Variants in DMD observed in about 807,000 individuals in gnomAD.
The protein encoded by DMD is mutant dystrophin.
A neutral mutation model predicts 330.1 loss-of-function variants in DMD; 63 were observed. The ratio of observed to expected loss-of-function variants is 0.19; its 90% CI spans 0.16 to 0.24. DMD has a LOEUF of 0.24. Among genes scored for constraint, DMD ranks in the 10% least tolerant of loss-of-function variants. The pLI is 1.00. For missense variants in DMD, 3,344 were observed against 2,684.1 expected (o/e 1.25, Z -5.43); for synonymous variants, 1,223 against 959.8 (o/e 1.27, Z -5.07).
intron 63 of DMD, among the ~76,000 whole-genome samples, chrX:31,247,710 G>A (rs890252210): frequency 5.4e-5 from 6 of 111,276 alleles, no homozygotes; most frequent in Non-Finnish European, 7.5e-5. Context: ...TTTGGAAGAC[G>A]TTGATTCCAA....
Position 32,644,235 on chromosome X carries a change from C to T in DMD, c.1228G>A (p.Gly410Arg). ...GTTTCTTCATCTTCTGATAATTTTCCTGTTCCAATCAGCTTACTTCCCAAT... is the reference window on the plus strand; with the variant it reads ...GTTTCTTCATCTTCTGATAATTTTCTTGTTCCAATCAGCTTACTTCCCAAT... ...LQLGSKLIGTGKLSEDEETEV... is the reference protein window; with the variant it reads ...LQLGSKLIGTRKLSEDEETEV... The change falls in exon 11 of 79, where the codon GGA becomes AGA. Residue 410 changes from glycine to arginine, a missense_variant. By Grantham distance (125) the Gly-to-Arg change is moderately radical. Transcript: ENST00000357033. 3.3e-6 allele frequency: 4 copies of T among 1,210,824 alleles called. No homozygotes were observed. The highest frequency in any genetic ancestry group is 4.5e-6 in the Non-Finnish European group (4 of 894,943).
intron 13 of DMD, among the ~76,000 whole-genome samples, chrX:32,576,332 T>G (rs2053046532): frequency 9.0e-6 from 1 of 111,507 alleles, no homozygotes; most frequent in African/African-American, 3.3e-5. Flanking sequence ...CCTTATTAAG[T>G]TGGGAACCTT....
intron 61 of DMD, among the ~76,000 whole-genome samples, chrX:31,324,032 C>G (rs746382155): frequency 1.8e-5 from 2 of 111,282 alleles, no homozygotes; most frequent in African/African-American, 3.3e-5. Context: ...ATTTGACTGA[C>G]TGGATTTTAT....
At chrX:31,566,599 T>C (rs1173555143) in intron 55 of DMD, among the ~76,000 whole-genome samples, 2 of 111,920 alleles carry the variant, frequency 1.8e-5, no homozygotes, top group Non-Finnish European at 3.8e-5. Flanking sequence ...ACTTTTCTTA[T>C]AGATTTTAGA....
rs552929106 is a variant in DMD, at chrX:31,843,400, T to C, written c.7099-6581A>G. On this transcript the variant is annotated intron_variant, in intron 48 of 78. Transcript: ENST00000357033. ...CTATTGTGTTTTGAGTTTTTGATAATAGGCATTCTGACTGGTGTGAGATGG... is the reference window on the plus strand; with the variant it reads ...CTATTGTGTTTTGAGTTTTTGATAACAGGCATTCTGACTGGTGTGAGATGG... Among the ~76,000 whole-genome samples, 3 of 111,914 alleles carry C rather than the reference T, an allele frequency of 2.7e-5. 1 individual carries two copies. Among genetic ancestry groups the C allele is most frequent in the African/African-American group, 9.7e-5 (3 of 30,806 alleles).
intron 51 of DMD, among the ~76,000 whole-genome samples, chrX:31,768,168 T>TG (rs1398644727): frequency 9.0e-6 from 1 of 110,959 alleles, no homozygotes; most frequent in Non-Finnish European, 1.9e-5. Flanking sequence ...CAAACGGAAT[T>TG]GAAAAAAAAG....
intron 17 of DMD, among the ~76,000 whole-genome samples, chrX:32,544,439 C>A (rs2048774792): frequency 9.0e-6 from 1 of 111,360 alleles, no homozygotes; most frequent in Non-Finnish European, 1.9e-5. Flanking sequence ...CTTTCTTAAT[C>A]TTAGAATTAC....
intron 1 of DMD, among the ~76,000 whole-genome samples, chrX:33,206,724 G>A (rs2051594549): frequency 9.0e-6 from 1 of 111,380 alleles, no homozygotes. Context: ...TAAAGATCGA[G>A]CTCAGAGTTG....
At position 33,002,319 on chromosome X, in the gene DMD, T is replaced by C. The variant is rs776896248; in HGVS notation, c.93+17820A>G. 5.5e-4 allele frequency among the ~76,000 whole-genome samples: 61 copies of C among 111,354 alleles called. 1 individual carries two copies. Among genetic ancestry groups the C allele is most frequent in the Non-Finnish European group, 7.5e-5 (4 of 53,063 alleles). On this transcript the variant is annotated intron_variant, in intron 2 of 78. Transcript: ENST00000357033. Reference sequence around the variant, plus strand: ...AGCAAGGAAGGAATGAAGGGATTTATTTAAAATGAAAAGTACATGCCATAG... The same window carrying C: ...AGCAAGGAAGGAATGAAGGGATTTACTTAAAATGAAAAGTACATGCCATAG...
chrX:32,554,937 GAA>G (rs1298908373), intron 16 of DMD, among the ~76,000 whole-genome samples: 13 of 29,388 alleles, frequency 4.4e-4, no homozygotes, highest in South Asian at 1.2e-3. Flanking sequence ...AAGAAAGAAA[GAA>G]AGAGAGAGAG....
At chrX:33,084,062 T>C (rs2094969552) in intron 1 of DMD, among the ~76,000 whole-genome samples, 1 of 111,784 alleles carries the variant, frequency 8.9e-6, no homozygotes, top group Non-Finnish European at 1.9e-5. Flanking sequence ...AGGGCTACAG[T>C]TAAGGGACAT....
intron 44 of DMD, among the ~76,000 whole-genome samples, chrX:32,120,541 CT>C (rs923296597): frequency 1.8e-5 from 2 of 112,261 alleles, no homozygotes; most frequent in African/African-American, 6.5e-5. Context: ...CTTTATCAAG[CT>C]GCCCAGATGA....
At chrX:31,588,177 T>C (rs760330222) in intron 55 of DMD, among the ~76,000 whole-genome samples, 1 of 112,161 alleles carries the variant, frequency 8.9e-6, no homozygotes, top group Non-Finnish European at 1.9e-5. Context: ...CCATATTTTA[T>C]GGATGCTTGA....
Position 31,121,698 on chromosome X carries a change from C to G in DMD, c.*221G>C. The G allele has an allele frequency of 2.0e-6, 1 of 493,470 alleles. No homozygotes were observed. The highest frequency in any genetic ancestry group is 3.5e-6 in the Non-Finnish European group (1 of 288,341). 40.7% of individuals were successfully genotyped at this position (493,470 alleles called of 1,213,427 possible). ...AACAAAACAATAACAGACTTAGAAACTACTGAAATCTACAGTATAATACCA... is the reference window on the plus strand; with the variant it reads ...AACAAAACAATAACAGACTTAGAAAGTACTGAAATCTACAGTATAATACCA... On this transcript the variant is annotated 3_prime_UTR_variant, in exon 79 of 79. Transcript: ENST00000357033.
intron 7 of DMD, 102 bp from the exon 8 acceptor site, chrX:32,699,395 G>A: frequency 1.5e-6 from 1 of 675,004 alleles, no homozygotes; most frequent in Non-Finnish European, 2.4e-6. Flanking sequence ...ATAGATTAAT[G>A]AACAGTGAAT....
chrX:32,691,114 G>A (rs1177326507), intron 9 of DMD, among the ~76,000 whole-genome samples: 1 of 110,664 alleles, frequency 9.0e-6, no homozygotes, highest in Admixed American at 9.7e-5. Context: ...GCTATTAGGA[G>A]GGTTAAATAA....
chrX:32,882,709 T>C (rs1477236870), intron 2 of DMD, among the ~76,000 whole-genome samples: 2 of 112,445 alleles, frequency 1.8e-5, no homozygotes, highest in Non-Finnish European at 3.8e-5. Flanking sequence ...ATTCTAACCA[T>C]GGACAGTTGA....
At chrX:32,689,823 C>G (rs2063142274) in intron 9 of DMD, among the ~76,000 whole-genome samples, 1 of 110,750 alleles carries the variant, frequency 9.0e-6, no homozygotes, top group Admixed American at 9.7e-5. Flanking sequence ...ATGCTGAAAA[C>G]TTGTTTGGCA....
chrX:31,938,552 C>T (rs900957096), intron 45 of DMD, among the ~76,000 whole-genome samples: 6 of 111,639 alleles, frequency 5.4e-5, no homozygotes, highest in Admixed American at 9.5e-5. Context: ...GCACCTTCAA[C>T]ATTGAAATTT....
Sources: allele counts gnomAD v4.1 joint callset (sites outside exome capture counted in the v4.1 genomes callset), GRCh38; gene constraint gnomAD v4.1.1; transcripts MANE v1.5; gene names NCBI Gene and HGNC (gene_info 2026-07-23, HGNC 2026-07-21).